Variants in ZBBX observed in about 807,000 individuals in gnomAD.
The protein encoded by ZBBX is zinc finger B-box domain-containing protein 1.
Under a neutral mutation model 108.5 loss-of-function variants are expected in ZBBX, and 101 were observed. The observed-to-expected ratio is 0.93, with a 90% CI of 0.79 to 1.10. ZBBX has a LOEUF of 1.10. Among genes scored for constraint, ZBBX ranks in the 50% least tolerant of loss-of-function variants. The pLI, the probability that ZBBX is intolerant of heterozygous loss-of-function variation, is 0.00. For synonymous variants in ZBBX, 356 were observed against 323.4 expected (o/e 1.10, Z -1.08); for missense variants, 1,009 against 941.4 (o/e 1.07, Z -0.94).
At chr3:167,348,908 G>A (rs569782471) in intron 9 of ZBBX, among the ~76,000 whole-genome samples, 8 of 151,932 alleles carry the variant, frequency 5.3e-5, no homozygotes, top group East Asian at 1.9e-4. Flanking sequence ...AATGCTCAAC[G>A]TTTAGAAAGC....
At chr3:167,332,278 C>T (rs1738769741) in intron 10 of ZBBX, among the ~76,000 whole-genome samples, 1 of 134,676 alleles carries the variant, frequency 7.4e-6, no homozygotes, top group South Asian at 2.4e-4. Context: ...TAAACACACA[C>T]ACACACACAC....
At chr3:167,400,197 T>C (rs573979456) in intron 1 of ZBBX, among the ~76,000 whole-genome samples, 1 of 152,272 alleles carries the variant, frequency 6.6e-6, no homozygotes, top group South Asian at 2.1e-4. Context: ...GTAAAATGAT[T>C]TGTTTTCCTT....
rs200797025 is a variant in ZBBX at position 167,240,812 on chromosome 3, G to T, written c.2501C>A (p.Pro834Gln). Residue 834 changes from proline (P) to glutamine (Q), a missense_variant, in exon 22 of 22, where the codon CCG becomes CAG. Coordinates refer to ENST00000675490, the MANE Select transcript of ZBBX (RefSeq NM_001199201.2). ...FLNKQHVITL[P>Q]WSKST ...TAATCTTTAAGTACTCTTTGACCAC[G>T]GTAGTGTGATGACATGTTGCTTGTT... 4 of 1,613,244 alleles carry T rather than the reference G, an allele frequency of 2.5e-6. No homozygotes were observed. Among genetic ancestry groups the T allele is most frequent in the Non-Finnish European group, 2.5e-6 (3 of 1,179,402 alleles).
the ZBBX span, among the ~76,000 whole-genome samples, chr3:167,183,126 T>C: frequency 6.6e-6 from 1 of 152,052 alleles, no homozygotes; most frequent in Non-Finnish European, 1.5e-5. Flanking sequence ...GGGACAAACC[T>C]CTCCCTCCTT....
At chr3:167,330,962 T>TCTCTCTCTCTCTCTCTCTCTCC (rs1255471704) in intron 10 of ZBBX, among the ~76,000 whole-genome samples, 21 of 147,340 alleles carry the variant, frequency 1.4e-4, no homozygotes, top group South Asian at 6.8e-4. Flanking sequence ...TCTCTCTCTC[T>TCTCTCTCTCTCTCTCTCTCTCC]CTCCCCCACT....
intron 20 of ZBBX, among the ~76,000 whole-genome samples, chr3:167,245,043 G>A (rs924252756): frequency 6.6e-6 from 1 of 152,162 alleles, no homozygotes; most frequent in African/African-American, 2.4e-5. Context: ...AATCAGAGAG[G>A]CTATTTCCCA....
chr3:167,281,039 G>A (rs1307101537), intron 20 of ZBBX, among the ~76,000 whole-genome samples: 1 of 152,126 alleles, frequency 6.6e-6, no homozygotes, highest in African/African-American at 2.4e-5. Context: ...TCACTCATAG[G>A]TGGGAACTGA....
intron 20 of ZBBX, among the ~76,000 whole-genome samples, chr3:167,265,208 C>A (rs1725254978): frequency 6.6e-6 from 1 of 152,170 alleles, no homozygotes; most frequent in Admixed American, 6.5e-5. Flanking sequence ...CTGAAGCCAG[C>A]ACATCTTAGA....
At chr3:167,358,935 CAAAAAAAAAAAAAAAAAA>C (rs59753251) in intron 8 of ZBBX, among the ~76,000 whole-genome samples, 2 of 66,230 alleles carry the variant, frequency 3.0e-5, no homozygotes, top group Admixed American at 2.4e-4. Flanking sequence ...GACTCCATCT[CAAAAAAAAAAAAAAAAAA>C]AAAAAAAAAG....
chr3:167,379,001 C>A (rs1365267238), intron 2 of ZBBX, among the ~76,000 whole-genome samples: 1 of 152,156 alleles, frequency 6.6e-6, no homozygotes, highest in Non-Finnish European at 1.5e-5. Flanking sequence ...TACCATTGAC[C>A]TTTGAAACCC....
chr3:167,275,178 A>C (rs931201082), intron 20 of ZBBX, among the ~76,000 whole-genome samples: 3 of 152,128 alleles, frequency 2.0e-5, no homozygotes, highest in African/African-American at 7.2e-5. Context: ...AATTTTTATC[A>C]TGTTCCTTCA....
intron 18 of ZBBX, among the ~76,000 whole-genome samples, chr3:167,289,968 G>A (rs1316703056): frequency 1.3e-5 from 2 of 152,134 alleles, no homozygotes. Context: ...CAAAGCTGCT[G>A]GGAAGTTCAA....
intron 17 of ZBBX, among the ~76,000 whole-genome samples, chr3:167,299,094 T>C (rs989362641): frequency 6.6e-6 from 1 of 152,040 alleles, no homozygotes; most frequent in Non-Finnish European, 1.5e-5. Flanking sequence ...TATTCTAGGA[T>C]TGAATATAAC....
intron 20 of ZBBX, among the ~76,000 whole-genome samples, chr3:167,249,352 C>A (rs1722167910): frequency 6.6e-6 from 1 of 152,284 alleles, no homozygotes; most frequent in Non-Finnish European, 1.5e-5. Flanking sequence ...TTTGGCATCT[C>A]AGGGAAGGTT....
At chr3:167,281,530 C>T (rs190572349) in intron 20 of ZBBX, among the ~76,000 whole-genome samples, 3 of 152,264 alleles carry the variant, frequency 2.0e-5, no homozygotes, top group African/African-American at 4.8e-5. Context: ...CCTGTATCTG[C>T]AGCTGGCTTC....
intron 20 of ZBBX, 106 bp from the exon 21 acceptor site, chr3:167,242,749 A>G (rs1720898547): frequency 9.8e-7 from 1 of 1,015,732 alleles, no homozygotes; most frequent in East Asian, 2.9e-5. Flanking sequence ...CAATACAAAG[A>G]AGGTCAGCAT....
At chr3:167,250,743 G>C (rs527277307) in intron 20 of ZBBX, among the ~76,000 whole-genome samples, 2 of 152,190 alleles carry the variant, frequency 1.3e-5, no homozygotes, top group Admixed American at 1.3e-4. Context: ...ATCTTCAGAG[G>C]GGAGAATGAT....
Position 167,328,103 on chromosome 3 carries a change from G to A in ZBBX, c.701C>T (p.Thr234Met), listed in dbSNP as rs79619538. 3,567 of 1,608,948 alleles carry A rather than the reference G, an allele frequency of 2.2e-3. 74 individuals carry two copies. The African/African-American group carries it at 0.043, about 19-fold the overall frequency. ...TTTTGTACGTTGTGCTCTTTTCATCGTTGTAATTTCTACCTAATTAAAAGG... is the reference window on the plus strand; with the variant it reads ...TTTTGTACGTTGTGCTCTTTTCATCATTGTAATTTCTACCTAATTAAAAGG... ...QRSSSEVEIT[T>M]MKRAQRTKPR... The change falls in exon 11 of 22, where the codon ACG becomes ATG. Residue 234 changes from threonine (T) to methionine (M), a missense_variant. Thr to Met is a moderately conservative substitution (Grantham distance 81, BLOSUM62 -1). Coordinates refer to ENST00000675490, the MANE Select transcript of ZBBX (RefSeq NM_001199201.2).
At chr3:167,242,849 T>A (rs1412441053) in intron 20 of ZBBX, among the ~76,000 whole-genome samples, 2 of 152,180 alleles carry the variant, frequency 1.3e-5, no homozygotes, top group African/African-American at 4.8e-5. Flanking sequence ...AAGTCATTTT[T>A]ATCATATTGA....
Sources: gnomAD v4.1 joint callset for allele counts (sites outside exome capture counted in the v4.1 genomes callset) on GRCh38, gnomAD v4.1.1 for gene constraint, MANE v1.5 for transcripts, NCBI Gene and HGNC (gene_info 2026-07-23, HGNC 2026-07-21) for gene names.